The following ZNF549 variants were observed in gnomAD, a reference collection of about 807,000 sequenced individuals.
ZNF549 encodes the protein zinc finger protein 549.
Under a neutral mutation model 11.1 loss-of-function variants are expected in ZNF549, and 11 were observed. The ratio of observed to expected loss-of-function variants is 0.99; its 90% CI spans 0.62 to 1.64. The LOEUF (loss-of-function observed/expected upper bound fraction) is 1.64. Ranked by LOEUF, ZNF549 falls within the 40% of genes most tolerant of loss-of-function variation. The pLI is 0.00. For synonymous variants in ZNF549, 266 were observed against 269.1 expected (o/e 0.99, Z 0.11); for missense variants, 748 against 765.1 (o/e 0.98, Z 0.26).
In ZNF549 at chr19:57,538,927, G is replaced by C; in HGVS notation, c.1923G>C (p.Ter641TyrextTer58). The C allele has an allele frequency of 1.3e-6, 2 of 1,594,880 alleles. No homozygotes were observed. Among genetic ancestry groups the C allele is most frequent in the Non-Finnish European group, 1.7e-6 (2 of 1,175,786 alleles). The change falls in exon 4 of 4, where the codon TAG (stop) becomes TAC (tyrosine). Residue 641 changes from the stop codon to tyrosine (Y), a stop_lost. Coordinates refer to ENST00000376233, the MANE Select transcript of ZNF549 (RefSeq NM_001199295.2). Reference protein sequence around the residue: ...HQKVHITEEP* With the variant: ...HQKVHITEEPY ...AGGTACATATAACAGAAGAGCCCTAGCAATTGTTGGGATGTGTAATTGTCT... is the reference window on the plus strand; with the variant it reads ...AGGTACATATAACAGAAGAGCCCTACCAATTGTTGGGATGTGTAATTGTCT...
In ZNF549 at chr19:57,527,624, G is replaced by C. The variant is rs377207970; in HGVS notation, c.33+18G>C. Reference sequence around the variant, plus strand: ...CGCCGCAGGTGAGAGCGGAGTCCTCGGATCCTCACCTGGGTCCTGAGGCCC... The same window carrying C: ...CGCCGCAGGTGAGAGCGGAGTCCTCCGATCCTCACCTGGGTCCTGAGGCCC... On this transcript the variant is annotated intron_variant, in intron 1 of 3. Transcript: ENST00000376233. The C allele has an allele frequency of 2.7e-5, 43 of 1,612,882 alleles. No individual in the cohort carries two copies. The highest frequency in any genetic ancestry group is 3.2e-5 in the Non-Finnish European group (38 of 1,179,680).
chr19:57,528,031 C>G (rs151185067), intron 1 of ZNF549, among the ~76,000 whole-genome samples: 6 of 152,212 alleles, frequency 3.9e-5, no homozygotes, highest in African/African-American at 1.4e-4. Flanking sequence ...CAGACTGTTA[C>G]GGAGTGATGG....
Position 57,538,446 on chromosome 19 carries a change from C to A in ZNF549, c.1442C>A (p.Ala481Asp). The A allele has an allele frequency of 6.2e-7, 1 of 1,614,120 alleles. No individual in the cohort carries two copies. Among genetic ancestry groups the A allele is most frequent in the Non-Finnish European group, 8.5e-7 (1 of 1,180,012 alleles). Residue 481 changes from alanine (A) to aspartate (D), a missense_variant, in exon 4 of 4, where the codon GCC (alanine) becomes GAC (aspartate). Transcript: ENST00000376233. ...RAYECSDCGK[A>D]FISKQTLLKH... ...TATGAATGCAGTGACTGTGGGAAAG[C>A]CTTCATCTCCAAACAAACACTTCTT...
Position 57,538,233 on chromosome 19 carries a change from T to A in ZNF549, c.1229T>A (p.Ile410Asn). 4.3e-6 allele frequency: 7 copies of A among 1,613,946 alleles called. 1 individual carries two copies. The highest frequency in any genetic ancestry group is 5.1e-6 in the Non-Finnish European group (6 of 1,180,006). Residue 410 changes from isoleucine (I) to asparagine (N), a missense_variant, in exon 4 of 4, where the codon ATC becomes AAC. Transcript: ENST00000376233. ...YKQSLLDHHR[I>N]HTGERPYECK... ...CAGTCACTTCTTGATCACCATAGAATCCACACGGGAGAAAGGCCTTATGAG... is the reference window on the plus strand; with the variant it reads ...CAGTCACTTCTTGATCACCATAGAAACCACACGGGAGAAAGGCCTTATGAG...
intron 3 of ZNF549, among the ~76,000 whole-genome samples, chr19:57,536,066 A>G (rs567173993): frequency 2.4e-4 from 36 of 152,060 alleles, no homozygotes; most frequent in African/African-American, 8.2e-4. Context: ...CAATTTGCCT[A>G]CTTGTCGTTT....
In ZNF549 at chr19:57,539,070, G is replaced by A; in HGVS notation, c.*143G>A. The A allele has an allele frequency of 1.0e-6, 1 of 956,286 alleles. No homozygotes were observed. Among genetic ancestry groups the A allele is most frequent in the Non-Finnish European group, 1.5e-6 (1 of 656,424 alleles). 59.2% of individuals were successfully genotyped at this position (956,286 alleles called of 1,614,324 possible). On this transcript the variant is annotated 3_prime_UTR_variant, in exon 4 of 4. Transcript: ENST00000376233. ...TTCACTACAAGGTCCAAGTACTTGG[G>A]AAGCTTTCTAGAGATTACTTGTACT...
At chr19:57,530,942 T>G in intron 1 of ZNF549, 128 bp from the exon 2 acceptor site, 1 of 809,598 alleles carries the variant, frequency 1.2e-6, no homozygotes, top group Non-Finnish European at 2.0e-6. Flanking sequence ...AGTGTTTCCA[T>G]TTTACAGATG....
chr19:57,537,085 C>T, intron 3 of ZNF549, 119 bp from the exon 4 acceptor site: 1 of 1,196,856 alleles, frequency 8.4e-7, no homozygotes, highest in Non-Finnish European at 1.2e-6. Flanking sequence ...CAGAGCAAGA[C>T]CCTATCTCAA....
intron 3 of ZNF549, among the ~76,000 whole-genome samples, chr19:57,536,544 A>G (rs746708422): frequency 1.3e-5 from 2 of 152,254 alleles, no homozygotes; most frequent in Non-Finnish European, 2.9e-5. Context: ...AACATCAGCT[A>G]TCCAGTTGTA....
At chr19:57,530,947 C>G in intron 1 of ZNF549, 123 bp from the exon 2 acceptor site, 1 of 846,374 alleles carries the variant, frequency 1.2e-6, no homozygotes, top group Admixed American at 2.1e-5. Context: ...TTCCATTTTA[C>G]AGATGAAGGC....
chr19:57,530,234 CAGA>C (rs1312240109), intron 1 of ZNF549, among the ~76,000 whole-genome samples: 5 of 152,056 alleles, frequency 3.3e-5, no homozygotes, highest in Admixed American at 2.0e-4. Flanking sequence ...GGGAGGGGAG[CAGA>C]GATCTGGAGA....
At chr19:57,531,192 T>G in intron 2 of ZNF549, 84 bp downstream of exon 2, 1 of 1,439,640 alleles carries the variant, frequency 6.9e-7, no homozygotes, top group Non-Finnish European at 9.6e-7. Context: ...AACAATAATG[T>G]CCTGGGACTC....
rs778979017 is a variant in ZNF549, at chr19:57,537,689, A to C, written c.685A>C (p.Asn229His). The C allele has an allele frequency of 5.6e-6, 9 of 1,614,212 alleles. No individual in the cohort carries two copies. Among genetic ancestry groups the C allele is most frequent in the South Asian group, 2.2e-5 (2 of 91,088 alleles). Residue 229 changes from asparagine (N) to histidine (H), a missense_variant, in exon 4 of 4, where the codon AAT becomes CAT. By Grantham distance (68) the Asn-to-His change is moderately conservative. Transcript: ENST00000376233. ...QRRYKCEQVFNEKVHVTEHQR... is the reference protein window; with the variant it reads ...QRRYKCEQVFHEKVHVTEHQR... ...ACGTTACAAATGTGAGCAAGTTTTC[A>C]ATGAGAAAGTTCATGTTACTGAGCA...
chr19:57,538,727 C>T lies in ZNF549; in HGVS notation c.1723C>T (p.His575Tyr), dbSNP rs1370883484. The T allele has an allele frequency of 6.2e-7, 1 of 1,614,076 alleles. No homozygotes were observed. Among genetic ancestry groups the T allele is most frequent in the Non-Finnish European group, 8.5e-7 (1 of 1,180,028 alleles). ...CFRHRTSLIQ[H>Y]QKVHSGERPY... is the part of the protein sequence containing the mutation. ...TAGACACCGCACCAGCCTCATTCAA[C>T]ACCAGAAAGTTCACAGTGGAGAGAG... Residue 575 changes from histidine to tyrosine, a missense_variant, in exon 4 of 4, where the codon CAC becomes TAC. Transcript: ENST00000376233.
Position 57,535,264 on chromosome 19 carries a change from T to G in ZNF549, c.193T>G (p.Ser65Ala). 6.2e-7 allele frequency: 1 copy of G among 1,613,792 alleles called. No individual in the cohort carries two copies. Among genetic ancestry groups the G allele is most frequent in the African/African-American group, 1.3e-5 (1 of 75,038 alleles). ...GCTGGAGAACTTTTCGCTTATGGCC[T>G]CAGTAGGTAAGATCTCTTAAAACCA... The part of the protein sequence containing the change: ...VMLENFSLMA[S>A]VGCLHGIEAE... The change falls in exon 3 of 4, where the codon TCA (serine) becomes GCA (alanine). Residue 65 changes from serine to alanine, a missense_variant. Ser to Ala is a moderately conservative substitution (Grantham distance 99). Transcript: ENST00000376233.
rs1294622634 is a variant in ZNF549 at position 57,538,018 on chromosome 19, G to T, written c.1014G>T (p.Gly338=). The change falls in exon 4 of 4, where the codon GGG becomes GGT. Residue 338 remains glycine (G), a synonymous_variant. Coordinates refer to ENST00000376233, the MANE Select transcript of ZNF549 (RefSeq NM_001199295.2). The stretch of plus-strand genomic sequence containing the variant: ...AGCCTTATGTGTGCAATGTATGTGG[G>T]AAATCATTCCGCCACAAACAAACAT... ...GEKPYVCNVC[G]KSFRHKQTFV... is the part of the protein sequence containing the mutation. 6.2e-7 allele frequency: 1 copy of T among 1,614,124 alleles called. No individual in the cohort carries two copies. The highest frequency in any genetic ancestry group is 1.7e-5 in the Admixed American group (1 of 60,020).
chr19:57,528,261 G>A (rs1410255431), intron 1 of ZNF549, among the ~76,000 whole-genome samples: 1 of 152,194 alleles, frequency 6.6e-6, no homozygotes, highest in Non-Finnish European at 1.5e-5. Flanking sequence ...CTGAACATCT[G>A]GAAGAGTTGA....
rs1054739630 is a variant in ZNF549, at chr19:57,538,334, C to T, written c.1330C>T (p.Pro444Ser). Residue 444 changes from proline (P) to serine (S), a missense_variant, in exon 4 of 4, where the codon CCT (proline) becomes TCT (serine). Transcript: ENST00000376233. ...EHQRIHTGEK[P>S]YVCIICGKSF... ...CCAGAGAATTCATACTGGAGAAAAG[C>T]CTTATGTGTGCATCATATGTGGGAA... 1 of 1,613,748 alleles carries T rather than the reference C, an allele frequency of 6.2e-7. No homozygotes were observed.
intron 1 of ZNF549, among the ~76,000 whole-genome samples, 155 bp from the exon 2 acceptor site, chr19:57,530,915 C>T (rs911869739): frequency 8.6e-5 from 13 of 151,494 alleles, no homozygotes; most frequent in East Asian, 1.9e-4. Context: ...GATGGCACTA[C>T]GAGATAGCCA....
Sources: allele counts gnomAD v4.1 joint callset (sites outside exome capture counted in the v4.1 genomes callset), GRCh38; gene constraint gnomAD v4.1.1; transcripts MANE v1.5; gene names NCBI Gene and HGNC (gene_info 2026-07-23, HGNC 2026-07-21).